Variants in CCNH observed in about 807,000 individuals in gnomAD.
CCNH encodes the protein cyclin-H.
CCNH carries 31 observed loss-of-function variants against 41.9 expected under a neutral mutation model. The observed-to-expected ratio is 0.74, with a 90% CI of 0.56 to 1.00. The LOEUF (loss-of-function observed/expected upper bound fraction) is 1.00. Among genes scored for constraint, CCNH ranks in the 50% least tolerant of loss-of-function variants. The probability of loss-of-function intolerance (pLI) is 0.00; values close to 1 mark genes in which losing one functional copy is unlikely to be tolerated. For synonymous variants in CCNH, 138 were observed against 136.1 expected (o/e 1.01, Z -0.10); for missense variants, 362 against 388.4 (o/e 0.93, Z 0.57).
upstream of CCNH, chr5:87,378,531 C>T: frequency 6.2e-7 from 1 of 1,607,836 alleles, no homozygotes. Flanking sequence ...AGCAAGCAGT[C>T]TTGTGAGGTA....
Position 87,412,726 on chromosome 5 carries a change from C to A in CCNH, c.69G>T (p.Arg23=). 1 of 1,614,222 alleles carries A rather than the reference C, an allele frequency of 6.2e-7. No individual in the cohort carries two copies. The highest frequency in any genetic ancestry group is 8.5e-7 in the Non-Finnish European group (1 of 1,180,030). Residue 23 remains arginine (R), a synonymous_variant, in exon 1 of 9, where the codon CGG becomes CGT. Coordinates refer to ENST00000256897, the MANE Select transcript of CCNH (RefSeq NM_001239.4). ...ATCTGAATTTGCGGTTGGCGTCAGC[C>A]CGCAGTCTTGCCAGCTGCTCCTCGC... ...FSSEEQLARL[R]ADANRKFRCK...
At chr5:87,371,865 A>G (rs1760967884), downstream of CCNH, among the ~76,000 whole-genome samples, 1 of 151,726 alleles carries the variant, frequency 6.6e-6, no homozygotes, top group East Asian at 1.9e-4. Flanking sequence ...TGGCCACTCG[A>G]TGTGTTTCAT....
chr5:87,332,756 T>A, intron 9 of CCNH: 1 of 1,092,278 alleles, frequency 9.2e-7, no homozygotes, highest in Non-Finnish European at 1.3e-6. Context: ...TTTGTTGTAT[T>A]AAATTTTAAT....
chr5:87,345,531 G>T, intron 9 of CCNH, among the ~76,000 whole-genome samples: 1 of 152,190 alleles, frequency 6.6e-6, no homozygotes, highest in African/African-American at 2.4e-5. Flanking sequence ...AACTGTTTTA[G>T]TTGTTGTATT....
chr5:87,394,833 C>CA (rs1201447594), intron 8 of CCNH: 20 of 1,363,812 alleles, frequency 1.5e-5, no homozygotes, highest in Non-Finnish European at 1.6e-5. Flanking sequence ...TTTCTATGAA[C>CA]ACAGGAAGGA....
upstream of CCNH, chr5:87,378,277 G>A (rs929811038): frequency 3.4e-6 from 4 of 1,193,002 alleles, no homozygotes; most frequent in Non-Finnish European, 5.0e-6. Flanking sequence ...AACGCTGCAC[G>A]CAAAAAGCAC....
At chr5:87,338,135 T>C (rs1189725974) in intron 9 of CCNH, 2 of 1,608,000 alleles carry the variant, frequency 1.2e-6, no homozygotes, top group Middle Eastern at 3.3e-4. Flanking sequence ...TCTAAATATT[T>C]TATAAATTTG....
At chr5:87,400,184 C>G (rs3093824) in intron 6 of CCNH, among the ~76,000 whole-genome samples, 3,784 of 152,218 alleles carry the variant, frequency 0.025, 111 homozygotes, top group African/African-American at 0.058. Context: ...TTACTATTAG[C>G]CAGCCATGTG....
At chr5:87,384,996 G>A (rs983546241) in intron 9 of CCNH, among the ~76,000 whole-genome samples, 5 of 151,986 alleles carry the variant, frequency 3.3e-5, no homozygotes, top group Non-Finnish European at 5.9e-5. Context: ...AGTGATAAAG[G>A]TAAAGCTTTG....
downstream of CCNH, chr5:87,394,146 G>T: frequency 1.6e-6 from 1 of 630,158 alleles, no homozygotes; most frequent in Non-Finnish European, 2.1e-6. Flanking sequence ...TTTTTGTGGT[G>T]CCTTTTTTAA....
intron 9 of CCNH, among the ~76,000 whole-genome samples, chr5:87,337,543 GTTAA>G (rs1335533536): frequency 6.6e-6 from 1 of 151,960 alleles, no homozygotes. Flanking sequence ...TGTATAGTGT[GTTAA>G]TTATATTTAT....
At chr5:87,316,019 A>G (rs1216801851), downstream of CCNH, among the ~76,000 whole-genome samples, 6 of 152,362 alleles carry the variant, frequency 3.9e-5, no homozygotes, top group South Asian at 2.1e-4. Context: ...TATGGACACT[A>G]TGTTAAAATC....
At chr5:87,400,522 C>T (rs1763322323) in intron 6 of CCNH, among the ~76,000 whole-genome samples, 1 of 152,102 alleles carries the variant, frequency 6.6e-6, no homozygotes, top group East Asian at 1.9e-4. Context: ...AGTGTACCCC[C>T]TAGTGGTATA....
intron 9 of CCNH, among the ~76,000 whole-genome samples, chr5:87,348,835 T>C (rs1239011362): frequency 6.6e-6 from 1 of 151,984 alleles, no homozygotes; most frequent in Non-Finnish European, 1.5e-5. Flanking sequence ...GTCTTCACTT[T>C]TTAGAATCTT....
In CCNH at chr5:87,335,482, A is replaced by G. The variant is rs574412679; in HGVS notation, c.*91-16585T>C. 4.4e-5 allele frequency among the ~76,000 whole-genome samples: 6 copies of G among 135,888 alleles called. No individual in the cohort carries two copies. In the South Asian group the frequency reaches 6.9e-4, roughly 16 times the overall value. 89.1% of individuals were successfully genotyped at this position (135,888 alleles called of 152,430 possible). ...CTCTTGTCACCCAGGCTGGAGTGCA[A>G]TGGTGCCATCTTGGGTCACTGCAAC... is the stretch of plus-strand genomic sequence containing the variant. On this transcript the variant is annotated intron_variant and NMD_transcript_variant, in intron 9 of 9. Coordinates refer to the CCNH transcript ENST00000645953.
At chr5:87,404,708 C>T in intron 5 of CCNH, 136 bp downstream of exon 5, 1 of 677,756 alleles carries the variant, frequency 1.5e-6, no homozygotes. Context: ...AAGATTTCCT[C>T]AAAAGGCAAT....
At chr5:87,347,696 G>A (rs1758962225) in intron 9 of CCNH, among the ~76,000 whole-genome samples, 1 of 151,790 alleles carries the variant, frequency 6.6e-6, no homozygotes, top group Non-Finnish European at 1.5e-5. Context: ...TGAAGCTGTA[G>A]GTTAAGTAGG....
chr5:87,364,799 C>G (rs755267190), intron 9 of CCNH, among the ~76,000 whole-genome samples: 6 of 152,120 alleles, frequency 3.9e-5, no homozygotes, highest in Non-Finnish European at 8.8e-5. Context: ...ATTAAAAAAT[C>G]TTGAAAACAT....
At chr5:87,330,563 A>G (rs946737830) in intron 9 of CCNH, among the ~76,000 whole-genome samples, 2 of 152,160 alleles carry the variant, frequency 1.3e-5, no homozygotes, top group South Asian at 2.1e-4. Context: ...TACTTCTAGT[A>G]TATTTCTAAG....
Sources: allele counts gnomAD v4.1 joint callset (sites outside exome capture counted in the v4.1 genomes callset), GRCh38; gene constraint gnomAD v4.1.1; transcripts MANE v1.5; gene names NCBI Gene and HGNC (gene_info 2026-07-23, HGNC 2026-07-21).